The following NR3C2 variants were observed in gnomAD, a reference collection of about 807,000 sequenced individuals.
NR3C2 encodes the protein mineralocorticoid receptor.
In NR3C2, 15 loss-of-function variants were observed where a neutral mutation model predicts 86.4. That is an observed-to-expected ratio of 0.17 (90% confidence interval 0.12 to 0.27). NR3C2 has a LOEUF of 0.27. NR3C2 is among the 10% of genes least tolerant of loss of function. The pLI, the probability that NR3C2 is intolerant of heterozygous loss-of-function variation, is 1.00. For missense variants in NR3C2, 960 were observed against 1,195.6 expected, an observed-to-expected ratio of 0.80 and a Z score of 2.91; for synonymous variants, 458 against 450.5, an observed-to-expected ratio of 1.02 and a Z score of -0.21.
At chr4:148,168,111 T>C (rs534930046) in intron 4 of NR3C2, among the ~76,000 whole-genome samples, 2 of 152,078 alleles carry the variant, frequency 1.3e-5, no homozygotes, top group African/African-American at 2.4e-5. Flanking sequence ...ACTCCAGAAA[T>C]AGACTCCAGG....
chr4:148,312,496 T>C (rs1470288561), intron 2 of NR3C2, among the ~76,000 whole-genome samples: 4 of 152,178 alleles, frequency 2.6e-5, no homozygotes, highest in Non-Finnish European at 5.9e-5. Context: ...TAGCACTGAT[T>C]GTCTGTCTGA....
chr4:148,205,852 G>A (rs1287720277), intron 3 of NR3C2, among the ~76,000 whole-genome samples: 2 of 152,116 alleles, frequency 1.3e-5, no homozygotes, highest in African/African-American at 4.8e-5. Flanking sequence ...GAATTAGAAA[G>A]TCTTCCTACC....
intron 4 of NR3C2, among the ~76,000 whole-genome samples, chr4:148,159,066 T>C (rs1176500865): frequency 6.6e-6 from 1 of 152,210 alleles, no homozygotes; most frequent in African/African-American, 2.4e-5. Context: ...AAGTAATGTT[T>C]CTAAAATGCT....
At chr4:148,190,662 G>T (rs1277887325) in intron 4 of NR3C2, among the ~76,000 whole-genome samples, 2 of 152,160 alleles carry the variant, frequency 1.3e-5, no homozygotes, top group Non-Finnish European at 2.9e-5. Context: ...TTGTGTTGCT[G>T]TTTATCTCAT....
At chr4:148,108,040 G>T (rs1162342306) in intron 8 of NR3C2, among the ~76,000 whole-genome samples, 1 of 152,116 alleles carries the variant, frequency 6.6e-6, no homozygotes, top group East Asian at 1.9e-4. Flanking sequence ...AATAATTTGT[G>T]AACAGTCTCT....
At chr4:148,394,701 T>C (rs1747770258) in intron 2 of NR3C2, among the ~76,000 whole-genome samples, 1 of 152,070 alleles carries the variant, frequency 6.6e-6, no homozygotes, top group Admixed American at 6.6e-5. Flanking sequence ...AAATAAAAAT[T>C]AAAAACATGT....
chr4:148,221,253 A>G (rs1353657320), intron 3 of NR3C2, among the ~76,000 whole-genome samples: 1 of 152,234 alleles, frequency 6.6e-6, no homozygotes, highest in East Asian at 1.9e-4. Flanking sequence ...GAACCTATCA[A>G]TAATTTATTT....
At chr4:148,103,548 T>C (rs1383559351) in intron 8 of NR3C2, among the ~76,000 whole-genome samples, 2 of 152,068 alleles carry the variant, frequency 1.3e-5, no homozygotes, top group Non-Finnish European at 2.9e-5. Context: ...TTTCACAGAG[T>C]GAATAACAAC....
chr4:148,278,133 GCT>G (rs1741050932), intron 2 of NR3C2, among the ~76,000 whole-genome samples: 1 of 151,808 alleles, frequency 6.6e-6, no homozygotes, highest in Non-Finnish European at 1.5e-5. Context: ...ACAGGTTCTC[GCT>G]CTGTTACCCA....
chr4:148,126,280 T>C (rs1303490032), intron 6 of NR3C2, among the ~76,000 whole-genome samples: 2 of 152,208 alleles, frequency 1.3e-5, no homozygotes, highest in Non-Finnish European at 2.9e-5. Flanking sequence ...GAACTAAGTA[T>C]ATGCAAGCTC....
rs1412407775 is a variant in NR3C2 at position 148,321,027 on chromosome 4, C to T, written c.1758-60910G>A. On this transcript the variant is annotated intron_variant, in intron 2 of 8. Transcript: ENST00000358102. ...CTTGTGGGCATTTAGTGCTATAAAT[C>T]TCCCTCTACACACTGCTTTGAATGC... Among the ~76,000 whole-genome samples, 6 of 150,996 alleles carry T rather than the reference C, an allele frequency of 4.0e-5. No homozygotes were observed. The East Asian group carries it at 7.8e-4, about 20-fold the overall frequency.
intron 2 of NR3C2, among the ~76,000 whole-genome samples, chr4:148,413,844 G>A (rs577547571): frequency 3.3e-5 from 5 of 152,260 alleles, no homozygotes; most frequent in African/African-American, 1.2e-4. Context: ...ACATACTGAT[G>A]AGAACGTAAA....
intron 2 of NR3C2, among the ~76,000 whole-genome samples, chr4:148,354,605 T>C (rs750979449): frequency 1.1e-4 from 17 of 152,200 alleles, no homozygotes; most frequent in Non-Finnish European, 1.9e-4. Context: ...CGAATAGTTG[T>C]CAAGGCATGT....
chr4:148,405,780 C>T (rs781640486), intron 2 of NR3C2, among the ~76,000 whole-genome samples: 13 of 152,210 alleles, frequency 8.5e-5, no homozygotes, highest in Non-Finnish European at 8.8e-5. Flanking sequence ...GTCTGTCTGA[C>T]GCACAGGTGC....
intron 2 of NR3C2, among the ~76,000 whole-genome samples, chr4:148,370,338 A>G (rs1356637497): frequency 6.6e-6 from 1 of 152,204 alleles, no homozygotes; most frequent in African/African-American, 2.4e-5. Flanking sequence ...TATTTGGAGC[A>G]ACCTCACTGC....
chr4:148,089,374 C>T (rs541469732), intron 8 of NR3C2, among the ~76,000 whole-genome samples: 8 of 152,164 alleles, frequency 5.3e-5, no homozygotes, highest in African/African-American at 1.4e-4. Context: ...CATCTGTATC[C>T]GGGCTATAAG....
chr4:148,214,598 A>G (rs1737433842), intron 3 of NR3C2, among the ~76,000 whole-genome samples: 1 of 152,188 alleles, frequency 6.6e-6, no homozygotes, highest in Non-Finnish European at 1.5e-5. Context: ...AAGCTACCTG[A>G]GCCGCATCTA....
intron 8 of NR3C2, among the ~76,000 whole-genome samples, chr4:148,101,209 G>A (rs961834452): frequency 6.6e-6 from 1 of 152,166 alleles, no homozygotes; most frequent in Non-Finnish European, 1.5e-5. Context: ...CTCCTATGTG[G>A]ACATTCCCCC....
intron 4 of NR3C2, among the ~76,000 whole-genome samples, chr4:148,194,350 C>T (rs1018733559): frequency 7.9e-5 from 12 of 152,188 alleles, no homozygotes; most frequent in Non-Finnish European, 1.8e-4. Context: ...CTTTATTACA[C>T]ATACTTCTAA....
Sources: gnomAD v4.1 joint callset for allele counts (sites outside exome capture counted in the v4.1 genomes callset) on GRCh38, gnomAD v4.1.1 for gene constraint, MANE v1.5 for transcripts, NCBI Gene and HGNC (gene_info 2026-07-23, HGNC 2026-07-21) for gene names.